ANO4: variants seen among roughly 807,000 people sequenced by gnomAD.
The protein encoded by ANO4 is anoctamin 4.
A neutral mutation model predicts 141.9 loss-of-function variants in ANO4; 69 were observed. The ratio of observed to expected loss-of-function variants is 0.49; its 90% CI spans 0.40 to 0.59. The LOEUF (loss-of-function observed/expected upper bound fraction) is 0.59, where lower values mean the gene tolerates loss of function less well. ANO4 is among the 20% of genes least tolerant of loss of function. The probability of loss-of-function intolerance (pLI) is 0.00; values close to 1 mark genes in which losing one functional copy is unlikely to be tolerated. For synonymous variants in ANO4, 350 were observed against 394.3 expected, an observed-to-expected ratio of 0.89 and a Z score of 1.33; for missense variants, 894 against 1,162.2, an observed-to-expected ratio of 0.77 and a Z score of 3.36.
intron 2 of ANO4, among the ~76,000 whole-genome samples, chr12:100,921,335 C>T (rs931666639): frequency 3.3e-5 from 5 of 152,020 alleles, no homozygotes; most frequent in Admixed American, 1.3e-4. Context: ...GGAACGTAAC[C>T]GAAATTTTGT....
intron 21 of ANO4, 102 bp downstream of exon 21, chr12:101,098,047 A>C (rs1166085697): frequency 9.9e-7 from 1 of 1,011,590 alleles, no homozygotes; most frequent in Non-Finnish European, 1.5e-6. Context: ...CAGTTAAGCC[A>C]GTGCGTGCAC....
At chr12:100,799,610 G>A (rs545803800) in intron 1 of ANO4, among the ~76,000 whole-genome samples, 1 of 152,038 alleles carries the variant, frequency 6.6e-6, no homozygotes, top group Non-Finnish European at 1.5e-5. Flanking sequence ...GCATGGTGGG[G>A]CGCGCCTGTA....
intron 1 of ANO4, among the ~76,000 whole-genome samples, chr12:100,894,704 A>G (rs1054765191): frequency 6.6e-6 from 1 of 152,128 alleles, no homozygotes; most frequent in Non-Finnish European, 1.5e-5. Flanking sequence ...AGAGGATATT[A>G]GAAAAGCTCC....
intron 1 of ANO4, among the ~76,000 whole-genome samples, chr12:100,883,555 T>C (rs1352633002): frequency 1.3e-5 from 2 of 152,262 alleles, no homozygotes; most frequent in Non-Finnish European, 2.9e-5. Flanking sequence ...TGGCCTCTTG[T>C]ACGTGCATAA....
intron 5 of ANO4, among the ~76,000 whole-genome samples, chr12:100,957,566 T>C (rs1372049603): frequency 6.6e-6 from 1 of 152,232 alleles, no homozygotes; most frequent in Non-Finnish European, 1.5e-5. Context: ...AAGCCTGCTG[T>C]TGAATTATCC....
chr12:100,972,199 A>G (rs2043963215), intron 6 of ANO4, among the ~76,000 whole-genome samples: 1 of 152,222 alleles, frequency 6.6e-6, no homozygotes, highest in African/African-American at 2.4e-5. Flanking sequence ...TTTGGTTTGC[A>G]ATTTGCCAGT....
At chr12:100,844,265 G>A (rs189311658) in intron 1 of ANO4, among the ~76,000 whole-genome samples, 58 of 152,204 alleles carry the variant, frequency 3.8e-4, no homozygotes, top group African/African-American at 1.4e-3. Flanking sequence ...CAAGAATGAT[G>A]ATAAGTTTCA....
chr12:101,103,200 T>C (rs1241341182), intron 22 of ANO4, among the ~76,000 whole-genome samples: 1 of 55,972 alleles, frequency 1.8e-5, no homozygotes, highest in Non-Finnish European at 4.5e-5. Context: ...TATATATATA[T>C]ATATATATAT....
At chr12:100,867,876 C>CT (rs2038835887) in intron 1 of ANO4, among the ~76,000 whole-genome samples, 1 of 152,196 alleles carries the variant, frequency 6.6e-6, no homozygotes, top group Admixed American at 6.5e-5. Context: ...ATTTTGCACT[C>CT]TTTCATTGCC....
intron 3 of ANO4, among the ~76,000 whole-genome samples, chr12:100,935,484 TTTAATGAACCTAACAGCAA>T (rs1217761802): frequency 7.9e-5 from 12 of 152,228 alleles, no homozygotes; most frequent in African/African-American, 2.9e-4. Context: ...CTCTTTCTCA[TTTAATGAACCTAACAGCAA>T]TATTCTACCA....
intron 8 of ANO4, among the ~76,000 whole-genome samples, chr12:100,987,966 T>G (rs1189014296): frequency 6.6e-6 from 1 of 152,196 alleles, no homozygotes; most frequent in Non-Finnish European, 1.5e-5. Context: ...TTCTCATTGC[T>G]CTGCCAACTC....
intron 9 of ANO4, among the ~76,000 whole-genome samples, chr12:101,021,321 G>C (rs781071531): frequency 6.6e-6 from 1 of 152,164 alleles, no homozygotes; most frequent in Non-Finnish European, 1.5e-5. Context: ...CAGCCACCAC[G>C]CACTGCAGGA....
At chr12:100,901,574 A>G in intron 1 of ANO4, 72 bp from the exon 2 acceptor site, 1 of 611,468 alleles carries the variant, frequency 1.6e-6, no homozygotes, top group Non-Finnish European at 3.0e-6. Context: ...TGGACTTCAT[A>G]TGAGAGCGTA....
Position 100,806,049 on chromosome 12 carries a change from C to T in ANO4, c.-141+11022C>T, listed in dbSNP as rs1405075038. ...TCGGGAGGATTTAGGGATGAAGGCT[C>T]CTTAGGTGGTGTGTAGTGTAGACAG... On this transcript the variant is annotated intron_variant, in intron 1 of 27. Transcript: ENST00000392977. Among the ~76,000 whole-genome samples, 4 of 152,154 alleles carry T rather than the reference C, an allele frequency of 2.6e-5. No homozygotes were observed. In the East Asian group the frequency reaches 7.7e-4, roughly 29 times the overall value.
rs75695035 is a variant in ANO4 at position 101,075,445 on chromosome 12, A to G, written c.1313-3748A>G. On this transcript the variant is annotated intron_variant, in intron 14 of 27. Transcript: ENST00000392977. ...TAGATTGGAATCTAAGGAGTTCAAAATGCCAGCAGTAAGGCTAAACATGCT... is the reference window on the plus strand; with the variant it reads ...TAGATTGGAATCTAAGGAGTTCAAAGTGCCAGCAGTAAGGCTAAACATGCT... Among the ~76,000 whole-genome samples the G allele has an allele frequency of 3.0e-3, 453 of 151,972 alleles. 1 individual carries two copies. The highest frequency in any genetic ancestry group is 5.2e-3 in the Non-Finnish European group (354 of 67,956).
At chr12:101,022,657 G>A (rs993500719) in intron 9 of ANO4, among the ~76,000 whole-genome samples, 1 of 152,186 alleles carries the variant, frequency 6.6e-6, no homozygotes, top group Non-Finnish European at 1.5e-5. Context: ...TGCAGTAGCT[G>A]TTCTGAATCA....
intron 1 of ANO4, among the ~76,000 whole-genome samples, chr12:100,729,447 C>T (rs1214350389): frequency 1.4e-5 from 2 of 143,830 alleles, no homozygotes; most frequent in African/African-American, 5.1e-5. Context: ...AATACTTTCT[C>T]ATGTATTAAA....
chr12:100,988,775 G>C (rs1470609118), intron 8 of ANO4, among the ~76,000 whole-genome samples: 1 of 149,204 alleles, frequency 6.7e-6, no homozygotes, highest in Non-Finnish European at 1.5e-5. Context: ...GGAGGCTGAG[G>C]CAGGAGAATC....
At chr12:100,792,576 A>G (rs1297914923), upstream of ANO4, among the ~76,000 whole-genome samples, 1 of 152,220 alleles carries the variant, frequency 6.6e-6, no homozygotes, top group Non-Finnish European at 1.5e-5. Flanking sequence ...TTTTTTTAGT[A>G]GAGAGGAATA....
Sources: gnomAD v4.1 joint callset for allele counts (sites outside exome capture counted in the v4.1 genomes callset) on GRCh38, gnomAD v4.1.1 for gene constraint, MANE v1.5 for transcripts, NCBI Gene and HGNC (gene_info 2026-07-23, HGNC 2026-07-21) for gene names.